Variants in NR3C1 observed in about 807,000 individuals in gnomAD.
NR3C1 encodes glucocorticoid receptor.
NR3C1 carries 14 observed loss-of-function variants against 74.0 expected under a neutral mutation model. The ratio of observed to expected loss-of-function variants is 0.19; its 90% CI spans 0.12 to 0.30. The LOEUF (loss-of-function observed/expected upper bound fraction) is 0.30. Ranked by LOEUF, NR3C1 falls within the 10% of genes least tolerant of loss-of-function variation. The pLI, the probability that NR3C1 is intolerant of heterozygous loss-of-function variation, is 1.00. For missense variants in NR3C1, 695 were observed against 909.8 expected (o/e 0.76, Z 3.04); for synonymous variants, 308 against 332.5 (o/e 0.93, Z 0.80).
chr5:143,400,584 T>C lies in NR3C1; in HGVS notation c.256A>G (p.Met86Val), dbSNP rs772735144. ...PDLSKAVSLS[M>V]GLYMGETETK... ...TCTGTCTCTCCCATATACAGTCCCATTGAGAGTGAAACTGCTTTGGACAGA... is the reference window on the plus strand; with the variant it reads ...TCTGTCTCTCCCATATACAGTCCCACTGAGAGTGAAACTGCTTTGGACAGA... The change falls in exon 2 of 9, where the codon ATG becomes GTG. Residue 86 changes from methionine (M) to valine (V), a missense_variant. By Grantham distance (21) the Met-to-Val change is conservative. This residue lies in a region of NR3C1 where 497 missense variants were observed against 489.5 expected (regional missense o/e 1.02). Coordinates refer to ENST00000394464, the MANE Select transcript of NR3C1 (RefSeq NM_000176.3). The C allele has an allele frequency of 4.5e-5, 72 of 1,614,114 alleles. No individual in the cohort carries two copies. Among genetic ancestry groups the C allele is most frequent in the Admixed American group, 2.2e-4 (13 of 60,006 alleles).
intron 1 of NR3C1, among the ~76,000 whole-genome samples, chr5:143,426,505 T>G (rs1358158514): frequency 1.3e-5 from 2 of 152,218 alleles, no homozygotes; most frequent in African/African-American, 4.8e-5. Context: ...CCATTAATAT[T>G]CGTTTTACAA....
chr5:143,419,456 G>T (rs1392550281), intron 1 of NR3C1, among the ~76,000 whole-genome samples: 1 of 152,114 alleles, frequency 6.6e-6, no homozygotes, highest in Non-Finnish European at 1.5e-5. Context: ...TAGTCACATA[G>T]GTTCTTTTCT....
intron 7 of NR3C1, among the ~76,000 whole-genome samples, chr5:143,292,469 T>C (rs1278223693): frequency 6.6e-6 from 1 of 152,160 alleles, no homozygotes. Flanking sequence ...TAAGGGCCTG[T>C]TGAATTAGTT....
rs61753494 is a variant in NR3C1, at chr5:143,300,717, T to C, written c.1515A>G (p.Thr505=). The C allele has an allele frequency of 7.4e-5, 119 of 1,614,148 alleles. No individual in the cohort carries two copies. The African/African-American group carries it at 1.3e-3, about 17-fold the overall frequency. Reference sequence around the variant, plus strand: ...TTTCAGAGGTTTCTTGTGAGACTCCTGTAGTGGCCTGCTGAATTCCTTTTA... The same window carrying C: ...TTTCAGAGGTTTCTTGTGAGACTCCCGTAGTGGCCTGCTGAATTCCTTTTA... ...KKIKGIQQAT[T]GVSQETSENP... The change falls in exon 5 of 9, where the codon ACA becomes ACG. Residue 505 remains threonine (T), a synonymous_variant. Coordinates refer to ENST00000394464, the MANE Select transcript of NR3C1 (RefSeq NM_000176.3). The surrounding 1 kb of genome is among the most constrained non-coding windows in gnomAD (Gnocchi z 5.2).
At chr5:143,360,725 C>CA (rs1444487674) in intron 2 of NR3C1, among the ~76,000 whole-genome samples, 3 of 152,152 alleles carry the variant, frequency 2.0e-5, no homozygotes, top group Non-Finnish European at 2.9e-5. Context: ...GCATTAAGGA[C>CA]ACTGTTCCAC....
intron 1 of NR3C1, among the ~76,000 whole-genome samples, chr5:143,416,400 G>A (rs1182147423): frequency 6.6e-6 from 1 of 151,762 alleles, no homozygotes; most frequent in Admixed American, 6.6e-5. Context: ...AAGCTGATAC[G>A]ATGCAAGCTT....
intron 4 of NR3C1, among the ~76,000 whole-genome samples, chr5:143,305,974 A>G (rs907074901): frequency 3.9e-5 from 6 of 152,366 alleles, no homozygotes; most frequent in South Asian, 2.1e-4. Flanking sequence ...AAATCTGACA[A>G]TGCCACAAGA....
At chr5:143,402,716 C>T in intron 1 of NR3C1, 1 of 985,404 alleles carries the variant, frequency 1.0e-6, no homozygotes, top group Non-Finnish European at 1.2e-6. Flanking sequence ...GCGCCCCGCA[C>T]GCCCTCCTCA....
intron 2 of NR3C1, among the ~76,000 whole-genome samples, chr5:143,387,953 T>C (rs1837552476): frequency 1.3e-5 from 2 of 152,184 alleles, no homozygotes; most frequent in South Asian, 4.1e-4. Context: ...ACATATACAT[T>C]AGACTCATCT....
chr5:143,344,911 A>C (rs752724410), intron 2 of NR3C1, among the ~76,000 whole-genome samples: 4 of 151,976 alleles, frequency 2.6e-5, no homozygotes, highest in Non-Finnish European at 5.9e-5. Context: ...AAGAAAAAAA[A>C]CTGATGCCTG....
chr5:143,423,459 T>C (rs1751342581), intron 1 of NR3C1, among the ~76,000 whole-genome samples: 1 of 152,088 alleles, frequency 6.6e-6, no homozygotes, highest in Admixed American at 6.6e-5. Context: ...TTACGGATGC[T>C]CTCAAAAGTG....
chr5:143,301,483 TTACTC>T (rs1376052849), intron 4 of NR3C1, among the ~76,000 whole-genome samples: 6 of 152,082 alleles, frequency 3.9e-5, no homozygotes, highest in African/African-American at 1.2e-4. Context: ...TTTATATTGA[TTACTC>T]TATAAACCTA....
At chr5:143,332,871 C>A in intron 2 of NR3C1, 1 of 1,463,602 alleles carries the variant, frequency 6.8e-7, no homozygotes, top group Non-Finnish European at 9.5e-7. Context: ...AAAAGTTACC[C>A]CCTAGAATCT....
chr5:143,399,765 C>T lies in NR3C1; in HGVS notation c.1075G>A (p.Val359Ile), dbSNP rs370839677. ...PIFNVIPPIP[V>I]GSENWNRCQG... ...CACCTATTCCAATTTTCGGAACCAA[C>T]GGGAATTGGTGGAATGACATTAAAA... The change falls in exon 2 of 9, where the codon GTT (valine) becomes ATT (isoleucine). Residue 359 changes from valine (V) to isoleucine (I), a missense_variant. Transcript: ENST00000394464. The T allele has an allele frequency of 1.4e-5, 23 of 1,614,132 alleles. No individual in the cohort carries two copies. The highest frequency in any genetic ancestry group is 1.6e-4 in the Middle Eastern group (1 of 6,062).
At chr5:143,399,517 T>TTAACTTA in intron 2 of NR3C1, 139 bp downstream of exon 2, 1 of 724,604 alleles carries the variant, frequency 1.4e-6, no homozygotes, top group Non-Finnish European at 2.3e-6. Flanking sequence ...CCTTTCCTAC[T>TTAACTTA]TTCAAAAGGC....
intron 2 of NR3C1, among the ~76,000 whole-genome samples, chr5:143,394,824 T>G (rs935012955): frequency 5.3e-5 from 8 of 151,934 alleles, no homozygotes; most frequent in Admixed American, 1.3e-4. Context: ...AACCTCTAAT[T>G]CATGACAGTT....
At chr5:143,304,106 T>C (rs1046078259) in intron 4 of NR3C1, among the ~76,000 whole-genome samples, 10 of 152,068 alleles carry the variant, frequency 6.6e-5, no homozygotes, top group East Asian at 1.9e-4. Flanking sequence ...GGCTTCCAAA[T>C]AGGAAAATAA....
chr5:143,418,658 G>A (rs1751049347), intron 1 of NR3C1, among the ~76,000 whole-genome samples: 1 of 152,200 alleles, frequency 6.6e-6, no homozygotes, highest in South Asian at 2.1e-4. Context: ...GTCAGAAGGT[G>A]AAGGCAGGGG....
At chr5:143,433,454 A>ATATATATATATAATTTATTTATTTAAAT (rs1561822074) in intron 1 of NR3C1, among the ~76,000 whole-genome samples, 748 of 29,968 alleles carry the variant, frequency 0.025, 20 homozygotes, top group Admixed American at 0.16. Context: ...TATTTAAATT[A>ATATATATATATAATTTATTTATTTAAAT]TATATATATA....
Sources: allele counts gnomAD v4.1 joint callset (sites outside exome capture counted in the v4.1 genomes callset), GRCh38; gene constraint gnomAD v4.1.1; regional missense constraint gnomAD v4.1.1; non-coding constraint Gnocchi (gnomAD v3.1); transcripts MANE v1.5; gene names NCBI Gene and HGNC (gene_info 2026-07-23, HGNC 2026-07-21).